GRM7: variants seen among roughly 807,000 people sequenced by gnomAD.
The protein encoded by GRM7 is glutamate metabotropic receptor 7.
GRM7 carries 35 observed loss-of-function variants against 84.5 expected under a neutral mutation model. That is an observed-to-expected ratio of 0.41 (90% CI 0.32 to 0.55). The LOEUF is 0.55. Among genes scored for constraint, GRM7 ranks in the 20% least tolerant of loss-of-function variants. The pLI is 0.19. For synonymous variants in GRM7, 487 were observed against 455.1 expected, an observed-to-expected ratio of 1.07 and a Z score of -0.89; for missense variants, 1,003 against 1,194.6, an observed-to-expected ratio of 0.84 and a Z score of 2.36.
chr3:7,272,217 G>A (rs981785921), intron 2 of GRM7, among the ~76,000 whole-genome samples: 1 of 151,372 alleles, frequency 6.6e-6, no homozygotes, highest in Non-Finnish European at 1.5e-5. Context: ...GCCTTATTTT[G>A]TAATATATAC....
rs1043730593 is a variant in GRM7 at position 7,151,632 on chromosome 3, A to G, written c.736+4964A>G. Among the ~76,000 whole-genome samples the G allele has an allele frequency of 2.0e-5, 3 of 152,186 alleles. No individual in the cohort carries two copies. The highest frequency in any genetic ancestry group is 6.5e-5 in the Admixed American group (1 of 15,268). On this transcript the variant is annotated intron_variant, in intron 2 of 9. Transcript: ENST00000357716. This position sits in a 1 kb window ranked among gnomAD's most constrained non-coding sequence, Gnocchi z 4.5. ...TATTATCTAAGATAATTCCTAGTAC[A>G]TAGAAAGCAGTCAATCATTATTTCT...
At chr3:7,577,126 G>A (rs1695005911) in intron 7 of GRM7, among the ~76,000 whole-genome samples, 1 of 152,144 alleles carries the variant, frequency 6.6e-6, no homozygotes, top group Non-Finnish European at 1.5e-5. Flanking sequence ...AAAAAGTCAA[G>A]AAATTAAATT....
chr3:7,038,709 T>C (rs1265291713), intron 1 of GRM7, among the ~76,000 whole-genome samples: 1 of 152,230 alleles, frequency 6.6e-6, no homozygotes. Flanking sequence ...ATGGTTCTAA[T>C]GCTGTGAACA....
At position 7,644,204 on chromosome 3, in the gene GRM7, ATGTCTGTACATATATATGTGTG is replaced by A. The variant is rs1249171837; in HGVS notation, c.2452-35805_2452-35784del. On this transcript the variant is annotated intron_variant, in intron 8 of 9. Transcript: ENST00000357716. ...TATATATGTCTGTACGTATATATAT[ATGTCTGTACATATATATGTGTG>A]TGTCTGTACATATATATGTGTGTGT... Among the ~76,000 whole-genome samples the A allele has an allele frequency of 9.8e-4, 142 of 145,210 alleles. 34 individuals are homozygous for A. Among genetic ancestry groups the A allele is most frequent in the African/African-American group, 1.9e-3 (70 of 36,416 alleles).
intron 1 of GRM7, among the ~76,000 whole-genome samples, chr3:7,056,261 TG>T (rs1413917280): frequency 6.6e-6 from 1 of 152,004 alleles, no homozygotes; most frequent in African/African-American, 2.4e-5. Context: ...GAGTTCTCAA[TG>T]GCAGAGCTTC....
intron 9 of GRM7, among the ~76,000 whole-genome samples, chr3:7,716,870 C>G (rs1168090251): frequency 1.3e-5 from 2 of 152,094 alleles, no homozygotes; most frequent in African/African-American, 2.4e-5. Context: ...TCTGGTTGAC[C>G]TGGGGTTACC....
intron 1 of GRM7, among the ~76,000 whole-genome samples, chr3:6,949,827 C>G (rs990487353): frequency 1.9e-4 from 29 of 152,298 alleles, no homozygotes; most frequent in African/African-American, 7.0e-4. Context: ...CTCTGATACC[C>G]TTTCTTCCCG....
intron 7 of GRM7, among the ~76,000 whole-genome samples, chr3:7,522,202 A>G (rs1428957940): frequency 4.6e-5 from 7 of 152,144 alleles, no homozygotes; most frequent in Admixed American, 1.3e-4. Context: ...ACATGACTGG[A>G]CCTTGCCTTT....
chr3:7,466,791 C>T (rs13065791), intron 7 of GRM7, among the ~76,000 whole-genome samples: 3 of 152,098 alleles, frequency 2.0e-5, no homozygotes, highest in Non-Finnish European at 2.9e-5. Context: ...CCATTGGTTA[C>T]GATAGACCAA....
At chr3:7,541,634 G>T (rs1692887660) in intron 7 of GRM7, among the ~76,000 whole-genome samples, 1 of 152,090 alleles carries the variant, frequency 6.6e-6, no homozygotes, top group South Asian at 2.1e-4. Flanking sequence ...AACCTAACTG[G>T]CCCTTTCTCT....
In GRM7 at chr3:7,378,158, C is replaced by T. The variant is rs188039236; in HGVS notation, c.1034-36865C>T. On this transcript the variant is annotated intron_variant, in intron 4 of 9. Coordinates refer to ENST00000357716, the MANE Select transcript of GRM7 (RefSeq NM_000844.4). The stretch of plus-strand genomic sequence containing the variant: ...ACTCGGTGTGGGATGGCTGCACAGC[C>T]CGGGAAGAGACAATACACTCCTAGA... 5.9e-5 allele frequency among the ~76,000 whole-genome samples: 9 copies of T among 152,224 alleles called. No homozygotes were observed. The East Asian group carries it at 1.7e-3, about 29-fold the overall frequency.
chr3:6,926,374 T>C lies in GRM7; in HGVS notation c.519+64467T>C, dbSNP rs13323516. 8.0e-3 allele frequency among the ~76,000 whole-genome samples: 1,217 copies of C among 152,328 alleles called. 16 individuals carry two copies. Among genetic ancestry groups the C allele is most frequent in the African/African-American group, 0.028 (1,159 of 41,568 alleles). ...CCTAAATAGAAATATAGTGTTTTAATCTTATGTTTTAAGACTGATTATAAG... is the reference window on the plus strand; with the variant it reads ...CCTAAATAGAAATATAGTGTTTTAACCTTATGTTTTAAGACTGATTATAAG... On this transcript the variant is annotated intron_variant, in intron 1 of 9. Coordinates refer to ENST00000357716, the MANE Select transcript of GRM7 (RefSeq NM_000844.4).
In GRM7 at chr3:7,640,069, C is replaced by T. The variant is rs79334028; in HGVS notation, c.2452-39980C>T. On this transcript the variant is annotated intron_variant, in intron 8 of 9. Coordinates refer to ENST00000357716, the MANE Select transcript of GRM7 (RefSeq NM_000844.4). ...TGCTTTGTTTCCACATTTTATAAGA[C>T]ATCCTTGCCTAACAAATGACCTCTT... is the stretch of plus-strand genomic sequence containing the variant. Among the ~76,000 whole-genome samples the T allele has an allele frequency of 2.9e-3, 443 of 152,284 alleles. 17 individuals are homozygous for T. In the East Asian group the frequency reaches 0.076, roughly 26 times the overall value.
At position 7,155,241 on chromosome 3, in the gene GRM7, C is replaced by T. The variant is rs1452014073; in HGVS notation, c.736+8573C>T. ...TTGGGAAAATAGGACACCTTGATTT[C>T]GAATCTCTCCAAGGCCATAAACAAT... is the stretch of plus-strand genomic sequence containing the variant. On this transcript the variant is annotated intron_variant, in intron 2 of 9. Coordinates refer to ENST00000357716, the MANE Select transcript of GRM7 (RefSeq NM_000844.4). 5.3e-5 allele frequency among the ~76,000 whole-genome samples: 8 copies of T among 152,018 alleles called. No homozygotes were observed. In the South Asian group the frequency reaches 1.2e-3, roughly 24 times the overall value.
At chr3:6,927,203 G>A (rs1458523946) in intron 1 of GRM7, among the ~76,000 whole-genome samples, 12 of 152,068 alleles carry the variant, frequency 7.9e-5, no homozygotes, top group Admixed American at 7.2e-4. Context: ...TGAGGTAGAC[G>A]GATCACTTGA....
At chr3:7,629,863 C>T (rs1233442686) in intron 8 of GRM7, among the ~76,000 whole-genome samples, 1 of 152,002 alleles carries the variant, frequency 6.6e-6, no homozygotes, top group Non-Finnish European at 1.5e-5. Context: ...AGATTTGAAA[C>T]CCAGGAAATT....
intron 7 of GRM7, among the ~76,000 whole-genome samples, chr3:7,508,100 A>G (rs1244110965): frequency 6.6e-6 from 1 of 152,178 alleles, no homozygotes; most frequent in Non-Finnish European, 1.5e-5. Flanking sequence ...TCTGGTCTAG[A>G]TAGTTTTCTT....
chr3:7,112,912 C>T (rs959878690), intron 1 of GRM7, among the ~76,000 whole-genome samples: 21 of 152,176 alleles, frequency 1.4e-4, no homozygotes, highest in African/African-American at 5.1e-4. Context: ...GAAGCTCCTT[C>T]CCTTTCAGCA....
chr3:7,555,242 G>T (rs1359815684), intron 7 of GRM7, among the ~76,000 whole-genome samples: 2 of 152,240 alleles, frequency 1.3e-5, no homozygotes, highest in African/African-American at 4.8e-5. Flanking sequence ...TATTATTGTG[G>T]CTGTCACTAG....
Sources: gnomAD v4.1 joint callset for allele counts (sites outside exome capture counted in the v4.1 genomes callset) on GRCh38, gnomAD v4.1.1 for gene constraint, Gnocchi (gnomAD v3.1) non-coding constraint, MANE v1.5 for transcripts, NCBI Gene and HGNC (gene_info 2026-07-23, HGNC 2026-07-21) for gene names.